ZNF565: variants seen among roughly 807,000 people sequenced by gnomAD.
ZNF565 encodes zinc finger protein 565.
In ZNF565, 27 loss-of-function variants were observed where a neutral mutation model predicts 39.4. The ratio of observed to expected loss-of-function variants is 0.69; its 90% confidence interval spans 0.51 to 0.95. ZNF565 has a LOEUF of 0.95. Among genes scored for constraint, ZNF565 ranks in the 40% least tolerant of loss-of-function variants. The pLI, the probability that ZNF565 is intolerant of heterozygous loss-of-function variation, is 0.00. For missense variants in ZNF565, 524 were observed against 621.1 expected (o/e 0.84, Z 1.66); for synonymous variants, 185 against 216.6 (o/e 0.85, Z 1.28).
intron 2 of ZNF565, among the ~76,000 whole-genome samples, chr19:36,196,127 G>A (rs1327634724): frequency 3.3e-5 from 5 of 151,424 alleles, no homozygotes; most frequent in Non-Finnish European, 7.4e-5. Flanking sequence ...AGTAGAGATG[G>A]GGTTTCACCA....
At chr19:36,191,502 C>T (rs1303315374) in intron 4 of ZNF565, among the ~76,000 whole-genome samples, 5 of 151,920 alleles carry the variant, frequency 3.3e-5, no homozygotes, top group African/African-American at 1.2e-4. Flanking sequence ...AACCATGGAA[C>T]ATGCTGTGGT....
At chr19:36,194,126 T>C in intron 4 of ZNF565, 107 bp downstream of exon 4, 1 of 860,374 alleles carries the variant, frequency 1.2e-6, no homozygotes, top group South Asian at 2.0e-5. Context: ...GTTTCAGGCC[T>C]TTCTTCCACA....
chr19:36,225,627 A>AT (rs924093366), intron 1 of ZNF565, among the ~76,000 whole-genome samples: 33 of 137,960 alleles, frequency 2.4e-4, no homozygotes, highest in African/African-American at 6.0e-4. Context: ...GTTTTTTTGT[A>AT]TTTTTTTTTA....
chr19:36,208,319 A>G (rs1976233471), intron 1 of ZNF565, among the ~76,000 whole-genome samples: 1 of 150,860 alleles, frequency 6.6e-6, no homozygotes, highest in South Asian at 2.1e-4. Context: ...CTCCCACTTC[A>G]GCCTCCCAAG....
upstream of ZNF565, among the ~76,000 whole-genome samples, chr19:36,217,046 A>G (rs559539220): frequency 9.6e-4 from 125 of 130,354 alleles, no homozygotes; most frequent in East Asian, 0.021. Context: ...GTGGACAGCC[A>G]GTCCCTGTCT....
At chr19:36,224,127 A>G (rs891248379) in intron 1 of ZNF565, among the ~76,000 whole-genome samples, 6 of 152,156 alleles carry the variant, frequency 3.9e-5, no homozygotes, top group East Asian at 1.9e-4. Flanking sequence ...CACGCCTGCA[A>G]TCCCAGCACT....
intron 1 of ZNF565, among the ~76,000 whole-genome samples, chr19:36,225,752 CTTTTTTTTTTTTTT>C (rs67760026): frequency 3.0e-5 from 2 of 66,726 alleles, no homozygotes; most frequent in Admixed American, 1.9e-4. Flanking sequence ...CTTTGTGATT[CTTTTTTTTTTTTTT>C]TTTTTTTTTT....
intron 1 of ZNF565, among the ~76,000 whole-genome samples, chr19:36,205,243 T>A (rs1408652809): frequency 6.6e-6 from 1 of 151,654 alleles, no homozygotes; most frequent in African/African-American, 2.4e-5. Context: ...AAAGGTAGGT[T>A]TTCAGCCGGG....
intron 1 of ZNF565, among the ~76,000 whole-genome samples, chr19:36,230,675 G>A (rs553990271): frequency 2.6e-5 from 4 of 152,322 alleles, no homozygotes; most frequent in Middle Eastern, 3.4e-3. Flanking sequence ...GATCAGGGCC[G>A]TGGGCTGGAA....
At chr19:36,195,633 C>T in intron 2 of ZNF565, among the ~76,000 whole-genome samples, 1 of 141,850 alleles carries the variant, frequency 7.0e-6, no homozygotes, top group African/African-American at 2.7e-5. Flanking sequence ...CAACCTCCGC[C>T]TCCTGGGTTC....
Position 36,183,689 on chromosome 19 carries a change from CA to C in ZNF565, c.276del (p.Phe92LeufsTer10), listed in dbSNP as rs781630599. ...ATCTCCCAGTTGAATGCCCCGATTT[CA>C]AAAATGTCTTTTTGTAGAAATTTCT... ...RCEKFLQKDI[F>X]EIGAFNWEIM... On this transcript the variant is annotated frameshift_variant, in exon 5 of 5. Coordinates refer to ENST00000304116, the MANE Select transcript of ZNF565 (RefSeq NM_152477.5). LOFTEE classifies it low-confidence loss of function (END_TRUNC). 78 of 1,610,946 alleles carry C rather than the reference CA, an allele frequency of 4.8e-5. No individual in the cohort carries two copies. The highest frequency in any genetic ancestry group is 6.3e-5 in the Non-Finnish European group (74 of 1,178,812).
At chr19:36,192,006 C>CTT (rs796289244) in intron 4 of ZNF565, among the ~76,000 whole-genome samples, 12 of 140,592 alleles carry the variant, frequency 8.5e-5, no homozygotes, top group East Asian at 2.1e-4. Flanking sequence ...CAGCACCTAT[C>CTT]TTTTTTTTTT....
At position 36,245,896 on chromosome 19, in the gene ZNF565, A is replaced by T. The variant is rs1248929599; in HGVS notation, c.-366T>A. ...TTGGCTCAGGCGGAACCCGACCGGG[A>T]TCGCCCCGCGAGATGCAGTCGTTGA... On this transcript the variant is annotated 5_prime_UTR_variant, in exon 1 of 5. Coordinates refer to the ZNF565 transcript ENST00000355114. This position sits in a 1 kb window ranked among gnomAD's most constrained non-coding sequence, Gnocchi z 4.4. The T allele has an allele frequency of 1.6e-5, 4 of 245,496 alleles. No individual in the cohort carries two copies. The highest frequency in any genetic ancestry group is 3.1e-5 in the Non-Finnish European group (4 of 127,162). The allele number at this position is 245,496 out of a possible 1,614,324, so 15.2% of individuals were successfully genotyped here. A position where few individuals can be genotyped will look rare whatever the true frequency, so the allele number is the denominator to read the frequency against.
At chr19:36,213,929 TAC>T (rs35398338) in intron 1 of ZNF565, among the ~76,000 whole-genome samples, 55,779 of 151,390 alleles carry the variant, frequency 0.37, 10,418 homozygotes, top group South Asian at 0.49. Context: ...TCCACTGTGA[TAC>T]AGTTACTCCC....
At chr19:36,225,475 T>C (rs894708534) in intron 1 of ZNF565, among the ~76,000 whole-genome samples, 2 of 152,166 alleles carry the variant, frequency 1.3e-5, no homozygotes, top group African/African-American at 4.8e-5. Flanking sequence ...CATTTTGTTA[T>C]GTTTCAGTTT....
chr19:36,184,641 C>T (rs1975225146), intron 4 of ZNF565, among the ~76,000 whole-genome samples: 1 of 152,112 alleles, frequency 6.6e-6, no homozygotes, highest in African/African-American at 2.4e-5. Context: ...TTCCCTCCAG[C>T]CCCTGGCAAC....
In ZNF565 at chr19:36,188,001, T is replaced by A. The variant is rs145780819; in HGVS notation, c.233-4268A>T. Reference sequence around the variant, plus strand: ...CAAGAAGAAATTAACAAAATCGTCATCTTGGAGATTTCAATTCACCTTTCT... The same window carrying A: ...CAAGAAGAAATTAACAAAATCGTCAACTTGGAGATTTCAATTCACCTTTCT... On this transcript the variant is annotated intron_variant, in intron 4 of 4. Coordinates refer to ENST00000304116, the MANE Select transcript of ZNF565 (RefSeq NM_152477.5). Among the ~76,000 whole-genome samples, 703 of 151,806 alleles carry A rather than the reference T, an allele frequency of 4.6e-3. 28 individuals carry two copies. The highest frequency in any genetic ancestry group is 0.039 in the Admixed American group (600 of 15,198).
At chr19:36,230,306 T>C (rs888678338) in intron 1 of ZNF565, among the ~76,000 whole-genome samples, 14 of 152,222 alleles carry the variant, frequency 9.2e-5, no homozygotes, top group South Asian at 4.1e-4. Context: ...TTAGGTACTA[T>C]TTCAGATGCT....
At chr19:36,204,080 G>C (rs899847539) in intron 1 of ZNF565, among the ~76,000 whole-genome samples, 2 of 151,278 alleles carry the variant, frequency 1.3e-5, no homozygotes, top group Admixed American at 1.3e-4. Context: ...CTCCCAAGTA[G>C]CTAGGACCAT....
Sources: allele counts gnomAD v4.1 joint callset (sites outside exome capture counted in the v4.1 genomes callset), GRCh38; gene constraint gnomAD v4.1.1; non-coding constraint Gnocchi (gnomAD v3.1); transcripts MANE v1.5; gene names NCBI Gene and HGNC (gene_info 2026-07-23, HGNC 2026-07-21).